ZNF423: variants seen among roughly 807,000 people sequenced by gnomAD.
ZNF423 encodes the protein zinc finger protein 423.
Under a neutral mutation model 95.8 loss-of-function variants are expected in ZNF423, and 12 were observed. The ratio of observed to expected loss-of-function variants is 0.13; its 90% CI spans 0.08 to 0.20. ZNF423 has a LOEUF of 0.20. Ranked by LOEUF, ZNF423 falls within the 10% of genes least tolerant of loss-of-function variation. The pLI, the probability that ZNF423 is intolerant of heterozygous loss-of-function variation, is 1.00. For missense variants in ZNF423, 1,316 were observed against 1,737.1 expected, an observed-to-expected ratio of 0.76 and a Z score of 4.31; for synonymous variants, 749 against 711.9, an observed-to-expected ratio of 1.05 and a Z score of -0.83.
intron 4 of ZNF423, among the ~76,000 whole-genome samples, chr16:49,627,842 C>CGATT (rs1241215483): frequency 6.7e-6 from 1 of 149,664 alleles, no homozygotes; most frequent in Non-Finnish European, 1.5e-5. Flanking sequence ...ATCCATCCAC[C>CGATT]CATTCATCCA....
chr16:49,730,794 T>C lies in ZNF423; in HGVS notation c.278A>G (p.His93Arg), dbSNP rs774638940. The change falls in exon 3 of 8, where the codon CAC becomes CGC. Residue 93 changes from histidine to arginine, a missense_variant. Around this residue, in one of 6 missense-constraint regions of ZNF423, gnomAD observed 155 missense variants for 170.8 expected, o/e 0.91. Transcript: ENST00000563137. ...DFESLADLTD[H>R]RAHRCPGDGD... ...ACCTCCAGGACAGCGGTGGGCCCGG[T>C]GGTCCGTCAGGTCTGCCAGAGACTC... 1 of 1,614,218 alleles carries C rather than the reference T, an allele frequency of 6.2e-7. No homozygotes were observed. Among genetic ancestry groups the C allele is most frequent in the South Asian group, 1.1e-5 (1 of 91,080 alleles).
chr16:49,510,766 G>T (rs542492546), intron 7 of ZNF423, among the ~76,000 whole-genome samples: 1 of 152,092 alleles, frequency 6.6e-6, no homozygotes, highest in Non-Finnish European at 1.5e-5. Context: ...GTGAGGCGCC[G>T]CCACTCGCAG....
Position 49,636,858 on chromosome 16 carries a change from A to C in ZNF423, c.2318T>G (p.Leu773Arg). ...CNWDFRKEAD[L>R]QVHVKHSHLG... ...GTGGCTGTGTTTGACGTGCACCTGC[A>C]GGTCAGCCTCCTTGCGGAAGTCCCA... is the stretch of plus-strand genomic sequence containing the variant. Residue 773 changes from leucine (L) to arginine (R), a missense_variant, in exon 4 of 8, where the codon CTG becomes CGG. Coordinates refer to ENST00000563137, the MANE Select transcript of ZNF423 (RefSeq NM_001379286.1). This position sits in a 1 kb window ranked among gnomAD's most constrained non-coding sequence, Gnocchi z 8.6. The C allele has an allele frequency of 6.2e-7, 1 of 1,614,050 alleles. No individual in the cohort carries two copies. Among genetic ancestry groups the C allele is most frequent in the Non-Finnish European group, 8.5e-7 (1 of 1,180,020 alleles).
chr16:49,628,628 T>C (rs757992474), intron 4 of ZNF423, among the ~76,000 whole-genome samples: 1 of 152,176 alleles, frequency 6.6e-6, no homozygotes, highest in Admixed American at 6.5e-5. Flanking sequence ...CTAATAACCA[T>C]GTGGCTGAGC....
intron 7 of ZNF423, among the ~76,000 whole-genome samples, chr16:49,505,274 A>C (rs574329131): frequency 8.5e-5 from 13 of 152,372 alleles, no homozygotes. Context: ...CTAATTATAC[A>C]GAACACATAT....
Position 49,739,440 on chromosome 16 carries a change from G to GA in ZNF423, c.101-8470dup, listed in dbSNP as rs201715845. On this transcript the variant is annotated intron_variant, in intron 2 of 7. Coordinates refer to ENST00000563137, the MANE Select transcript of ZNF423 (RefSeq NM_001379286.1). Reference sequence around the variant, plus strand: ...ACGAAAATGTCCATGCATACCAAAAGAAAAAAAATCCACTCCATCAGGAGA... The same window carrying GA: ...ACGAAAATGTCCATGCATACCAAAAGAAAAAAAAATCCACTCCATCAGGAGA... Among the ~76,000 whole-genome samples the GA allele has an allele frequency of 3.3e-3, 495 of 151,534 alleles. 12 individuals are homozygous for GA. The highest frequency in any genetic ancestry group is 0.017 in the East Asian group (85 of 5,086).
intron 5 of ZNF423, among the ~76,000 whole-genome samples, chr16:49,592,843 G>A (rs1224908262): frequency 6.6e-6 from 1 of 152,198 alleles, no homozygotes; most frequent in Non-Finnish European, 1.5e-5. Flanking sequence ...ATTTCTAACA[G>A]ATCAGTCTTC....
At chr16:49,853,994 A>G in intron 1 of ZNF423, 2 of 985,420 alleles carry the variant, frequency 2.0e-6, no homozygotes, top group Non-Finnish European at 2.4e-6. Context: ...GTGGCTCCTG[A>G]AGGAGTGAGC....
At chr16:49,531,044 A>C (rs1968824436) in intron 5 of ZNF423, among the ~76,000 whole-genome samples, 1 of 152,176 alleles carries the variant, frequency 6.6e-6, no homozygotes, top group Non-Finnish European at 1.5e-5. Flanking sequence ...CGCCAGCACA[A>C]GCGCCGGTTG....
chr16:49,800,920 C>T (rs930706866), intron 1 of ZNF423, among the ~76,000 whole-genome samples: 3 of 152,256 alleles, frequency 2.0e-5, no homozygotes, highest in Non-Finnish European at 4.4e-5. Context: ...ATTCACCCCT[C>T]GTTCTGTCCT....
chr16:49,600,751 C>G (rs762967863), intron 5 of ZNF423, among the ~76,000 whole-genome samples: 3 of 152,164 alleles, frequency 2.0e-5, no homozygotes, highest in Admixed American at 6.5e-5. Context: ...GTAATGGCCC[C>G]GAAGGCTCCC....
At chr16:49,702,909 GCACACACACACA>G (rs66522223) in intron 3 of ZNF423, among the ~76,000 whole-genome samples, 31 of 147,644 alleles carry the variant, frequency 2.1e-4, no homozygotes, top group East Asian at 8.4e-4. Flanking sequence ...GTGTGCACAC[GCACACACACACA>G]CACACACACA....
intron 3 of ZNF423, among the ~76,000 whole-genome samples, chr16:49,697,086 C>T (rs552986731): frequency 3.9e-5 from 6 of 152,336 alleles, no homozygotes; most frequent in Non-Finnish European, 5.9e-5. Context: ...CACCTTTCTT[C>T]GACCTTCCAG....
Position 49,747,871 on chromosome 16 carries a change from A to AG in ZNF423, c.101-16901dup, listed in dbSNP as rs1477414581. On this transcript the variant is annotated intron_variant, in intron 2 of 7. Coordinates refer to ENST00000563137, the MANE Select transcript of ZNF423 (RefSeq NM_001379286.1). ...CACAAGGCAAGTTAGTGGCAGAACC[A>AG]GGGCTATTGCCCCAGCCCTGTGCTC... Among the ~76,000 whole-genome samples the AG allele has an allele frequency of 2.4e-4, 37 of 152,364 alleles. 1 individual carries two copies. The highest frequency in any genetic ancestry group is 3.7e-4 in the Non-Finnish European group (25 of 68,026).
At chr16:49,790,294 G>A (rs1414920911) in intron 1 of ZNF423, among the ~76,000 whole-genome samples, 2 of 152,248 alleles carry the variant, frequency 1.3e-5, no homozygotes, top group African/African-American at 4.8e-5. Context: ...CTGCATATGT[G>A]CAGGCTGAAG....
intron 3 of ZNF423, among the ~76,000 whole-genome samples, chr16:49,666,340 G>C (rs115536129): frequency 1.3e-5 from 2 of 152,088 alleles, no homozygotes; most frequent in Non-Finnish European, 2.9e-5. Context: ...ACCTGCCTTC[G>C]ACAGAGGCGT....
At chr16:49,519,964 A>G (rs923008692) in intron 7 of ZNF423, among the ~76,000 whole-genome samples, 9 of 152,166 alleles carry the variant, frequency 5.9e-5, no homozygotes, top group Non-Finnish European at 1.0e-4. Context: ...CCTTCATGCC[A>G]TCGGGCCTCA....
Position 49,837,900 on chromosome 16 carries a change from C to T in ZNF423, c.40+17835G>A, listed in dbSNP as rs186110336. Among the ~76,000 whole-genome samples the T allele has an allele frequency of 8.3e-4, 127 of 152,320 alleles. 1 individual carries two copies. Among genetic ancestry groups the T allele is most frequent in the Middle Eastern group, 6.8e-3 (2 of 294 alleles). On this transcript the variant is annotated intron_variant, in intron 1 of 7. Coordinates refer to ENST00000563137, the MANE Select transcript of ZNF423 (RefSeq NM_001379286.1). ...CAGTGCCCTCCCGGGAGGACCTTGT[C>T]GAAGTCAGATAAGCCAGAGCGGTCT...
At position 49,637,058 on chromosome 16, in the gene ZNF423, G is replaced by T. The variant is rs963648642; in HGVS notation, c.2118C>A (p.Asp706Glu). ...TSTHYVCESC[D>E]KQFSSVDDLQ... ...GGTCATCCACCGAGGAAAATTGCTT[G>T]TCGCAGCTCTCGCACACATAGTGGG... The change falls in exon 4 of 8, where the codon GAC becomes GAA. Residue 706 changes from aspartate to glutamate, a missense_variant. By Grantham distance (45) the Asp-to-Glu change is conservative. Transcript: ENST00000563137. This position sits in a 1 kb window ranked among gnomAD's most constrained non-coding sequence, Gnocchi z 5.6. The T allele has an allele frequency of 6.2e-7, 1 of 1,613,780 alleles. No individual in the cohort carries two copies. The highest frequency in any genetic ancestry group is 8.5e-7 in the Non-Finnish European group (1 of 1,180,036).
Sources: allele counts gnomAD v4.1 joint callset (sites outside exome capture counted in the v4.1 genomes callset), GRCh38; gene constraint gnomAD v4.1.1; regional missense constraint gnomAD v4.1.1; non-coding constraint Gnocchi (gnomAD v3.1); transcripts MANE v1.5; gene names NCBI Gene and HGNC (gene_info 2026-07-23, HGNC 2026-07-21).